DDR2: variants seen among roughly 807,000 people sequenced by gnomAD.
DDR2 encodes the protein discoidin domain receptor tyrosine kinase 2, also known as discoidin domain-containing receptor 2.
Under a neutral mutation model 94.9 loss-of-function variants are expected in DDR2, and 27 were observed. The ratio of observed to expected loss-of-function variants is 0.28; its 90% CI spans 0.21 to 0.39. The LOEUF is 0.39. Ranked by LOEUF, DDR2 falls within the 10% of genes least tolerant of loss-of-function variation. The pLI, the probability that DDR2 is intolerant of heterozygous loss-of-function variation, is 1.00. For missense variants in DDR2, 783 were observed against 1,076.0 expected (o/e 0.73, Z 3.81); for synonymous variants, 382 against 377.2 (o/e 1.01, Z -0.15).
intron 2 of DDR2, among the ~76,000 whole-genome samples, chr1:162,711,636 G>T (rs943488591): frequency 6.6e-6 from 1 of 152,184 alleles, no homozygotes; most frequent in Non-Finnish European, 1.5e-5. Context: ...TCCAGGAGTT[G>T]CCTGCTCTTC....
At chr1:162,688,029 C>G (rs1237540010) in intron 2 of DDR2, among the ~76,000 whole-genome samples, 1 of 152,136 alleles carries the variant, frequency 6.6e-6, no homozygotes, top group East Asian at 1.9e-4. Context: ...GTTTTGGAAA[C>G]TTTGAATGAG....
intron 1 of DDR2, among the ~76,000 whole-genome samples, chr1:162,648,665 C>T (rs1043226598): frequency 1.3e-5 from 2 of 152,052 alleles, no homozygotes; most frequent in East Asian, 1.9e-4. Flanking sequence ...AGGTTGCTTT[C>T]GGTAGTCCAG....
chr1:162,713,658 T>C (rs1231027351), intron 2 of DDR2, among the ~76,000 whole-genome samples: 3 of 152,226 alleles, frequency 2.0e-5, no homozygotes, highest in Non-Finnish European at 4.4e-5. Context: ...CTTCAACCGT[T>C]GTAACTGTGA....
At chr1:162,748,993 C>G (rs1663034952) in intron 3 of DDR2, among the ~76,000 whole-genome samples, 1 of 152,194 alleles carries the variant, frequency 6.6e-6, no homozygotes, top group South Asian at 2.1e-4. Flanking sequence ...ATCTCTGGGA[C>G]ACATTCAAAG....
At chr1:162,740,680 A>G (rs1662544916) in intron 3 of DDR2, among the ~76,000 whole-genome samples, 1 of 152,234 alleles carries the variant, frequency 6.6e-6, no homozygotes, top group Non-Finnish European at 1.5e-5. Context: ...CTGTTTCCCC[A>G]CATGAGAATG....
rs1647884261 is a variant in DDR2, at chr1:162,781,171, A to AAC, written c.*925_*926insAC. 1 of 152,200 alleles carries AAC rather than the reference A, an allele frequency of 6.6e-6. No individual in the cohort carries two copies. The highest frequency in any genetic ancestry group is 1.9e-4 in the East Asian group (1 of 5,192). 9.4% of individuals were successfully genotyped at this position (152,200 alleles called of 1,614,324 possible). A position where few individuals can be genotyped will look rare whatever the true frequency, so the allele number is the denominator to read the frequency against. On this transcript the variant is annotated 3_prime_UTR_variant, in exon 18 of 18. Coordinates refer to ENST00000367921, the MANE Select transcript of DDR2 (RefSeq NM_006182.4). ...AATCAGTAAAGTCTGATGTTTTGAT[A>AAC]TCTTGATGTTTTGATGGTAGACTCT...
intron 3 of DDR2, among the ~76,000 whole-genome samples, chr1:162,740,288 C>A (rs1436763153): frequency 6.6e-6 from 1 of 152,120 alleles, no homozygotes; most frequent in South Asian, 2.1e-4. Flanking sequence ...TTGTAATTGG[C>A]CCTATCCTCC....
At chr1:162,730,255 C>A (rs1661966635) in intron 3 of DDR2, among the ~76,000 whole-genome samples, 1 of 151,952 alleles carries the variant, frequency 6.6e-6, no homozygotes, top group African/African-American at 2.4e-5. Context: ...CCAGGTCCAG[C>A]CTTCTAGTGT....
At chr1:162,692,295 C>A (rs1384969288) in intron 2 of DDR2, among the ~76,000 whole-genome samples, 2 of 152,086 alleles carry the variant, frequency 1.3e-5, no homozygotes, top group Non-Finnish European at 2.9e-5. Context: ...AAAGCACTGA[C>A]AGAAAGGGAA....
chr1:162,688,315 C>A (rs1659791027), intron 2 of DDR2, among the ~76,000 whole-genome samples: 1 of 152,224 alleles, frequency 6.6e-6, no homozygotes, highest in African/African-American at 2.4e-5. Context: ...CTAATCGTAG[C>A]TAGCCTGTGC....
chr1:162,706,249 A>G (rs1660656533), intron 2 of DDR2, among the ~76,000 whole-genome samples: 1 of 152,180 alleles, frequency 6.6e-6, no homozygotes, highest in South Asian at 2.1e-4. Flanking sequence ...CAGCACATTC[A>G]CTGATTATCT....
chr1:162,658,271 G>A (rs889642612), intron 2 of DDR2, among the ~76,000 whole-genome samples: 2 of 152,164 alleles, frequency 1.3e-5, no homozygotes, highest in African/African-American at 4.8e-5. Context: ...TGGAGGTGGG[G>A]GTGGCAGTGA....
At chr1:162,751,312 C>T (rs1489300373) in intron 3 of DDR2, among the ~76,000 whole-genome samples, 2 of 151,978 alleles carry the variant, frequency 1.3e-5, no homozygotes, top group African/African-American at 4.8e-5. Flanking sequence ...AAAAATCAAA[C>T]AACCCCATCA....
chr1:162,697,418 T>C (rs1384780596), intron 2 of DDR2, among the ~76,000 whole-genome samples: 1 of 152,220 alleles, frequency 6.6e-6, no homozygotes, highest in Non-Finnish European at 1.5e-5. Context: ...TCCCAACAAA[T>C]GTCGGGTTAG....
Position 162,727,290 on chromosome 1 carries a change from A to G in DDR2, c.82+8145A>G, listed in dbSNP as rs562033762. 3.4e-4 allele frequency among the ~76,000 whole-genome samples: 48 copies of G among 139,898 alleles called. No individual in the cohort carries two copies. In the South Asian group the frequency reaches 0.01, roughly 30 times the overall value. 91.8% of individuals were successfully genotyped at this position (139,898 alleles called of 152,430 possible). On this transcript the variant is annotated intron_variant, in intron 3 of 17. Transcript: ENST00000367921. ...TATAAATATAAATATAAATATATATATAAAATATGTATAAAAATAAACATA... is the reference window on the plus strand; with the variant it reads ...TATAAATATAAATATAAATATATATGTAAAATATGTATAAAAATAAACATA...
chr1:162,719,296 A>G, intron 3 of DDR2, 151 bp downstream of exon 3: 1 of 1,386,712 alleles, frequency 7.2e-7, no homozygotes, highest in Non-Finnish European at 9.7e-7. Context: ...AAATAGGAAG[A>G]AAAATGAATA....
At chr1:162,755,446 T>G in intron 6 of DDR2, 143 bp downstream of exon 6, 1 of 1,232,970 alleles carries the variant, frequency 8.1e-7, no homozygotes, top group South Asian at 1.3e-5. Flanking sequence ...ACAGAAGCAT[T>G]GCTCATTAAC....
At chr1:162,729,300 A>ATATAT (rs1416872679) in intron 3 of DDR2, among the ~76,000 whole-genome samples, 1 of 94,002 alleles carries the variant, frequency 1.1e-5, no homozygotes, top group Non-Finnish European at 1.8e-5. Flanking sequence ...ATATATATAT[A>ATATAT]TTTTTTTTTT....
At position 162,780,409 on chromosome 1, in the gene DDR2, A is replaced by T; in HGVS notation, c.*163A>T. The T allele has an allele frequency of 1.2e-6, 1 of 815,552 alleles. No individual in the cohort carries two copies. Among genetic ancestry groups the T allele is most frequent in the Non-Finnish European group, 1.7e-6 (1 of 572,112 alleles). 50.5% of individuals were successfully genotyped at this position (815,552 alleles called of 1,614,324 possible). ...TGGTCACCCCCACTCCCTACCCCTG[A>T]CTCATATACACTTTTTTTTTTTTTT... On this transcript the variant is annotated 3_prime_UTR_variant, in exon 18 of 18. Transcript: ENST00000367921.
Sources: gnomAD v4.1 joint callset for allele counts (sites outside exome capture counted in the v4.1 genomes callset) on GRCh38, gnomAD v4.1.1 for gene constraint, MANE v1.5 for transcripts, NCBI Gene and HGNC (gene_info 2026-07-23, HGNC 2026-07-21) for gene names.